The following CHCHD6 variants were observed in gnomAD, a reference collection of about 807,000 sequenced individuals.
CHCHD6 encodes MICOS complex subunit MIC25.
A neutral mutation model predicts 32.3 loss-of-function variants in CHCHD6; 28 were observed. The ratio of observed to expected loss-of-function variants is 0.87; its 90% CI spans 0.64 to 1.19. The LOEUF (loss-of-function observed/expected upper bound fraction) is 1.19. Among genes scored for constraint, CHCHD6 ranks in the 50% most tolerant of loss-of-function variants. The pLI, the probability that CHCHD6 is intolerant of heterozygous loss-of-function variation, is 0.00. For synonymous variants in CHCHD6, 122 were observed against 117.5 expected, an observed-to-expected ratio of 1.04 and a Z score of -0.25; for missense variants, 333 against 307.0, an observed-to-expected ratio of 1.08 and a Z score of -0.63.
intron 4 of CHCHD6, among the ~76,000 whole-genome samples, chr3:126,801,931 G>A (rs1041893031): frequency 2.6e-5 from 4 of 152,172 alleles, no homozygotes; most frequent in East Asian, 1.9e-4. Flanking sequence ...TGCAGGCACC[G>A]CTGCTGATAC....
At chr3:126,805,207 T>C (rs1465389791) in intron 4 of CHCHD6, among the ~76,000 whole-genome samples, 1 of 152,094 alleles carries the variant, frequency 6.6e-6, no homozygotes, top group African/African-American at 2.4e-5. Context: ...CCAGGGCAAT[T>C]AGGCAAGAGA....
intron 5 of CHCHD6, among the ~76,000 whole-genome samples, chr3:126,876,579 C>G (rs1331685327): frequency 6.6e-6 from 1 of 152,180 alleles, no homozygotes; most frequent in East Asian, 1.9e-4. Context: ...CCTCACTTCC[C>G]TCATGAACAT....
At chr3:126,709,217 G>A (rs1934641868) in intron 1 of CHCHD6, among the ~76,000 whole-genome samples, 1 of 152,150 alleles carries the variant, frequency 6.6e-6, no homozygotes, top group Non-Finnish European at 1.5e-5. Flanking sequence ...GACTGTAAAC[G>A]TAAATGATTA....
chr3:126,885,913 A>G (rs2077672747), intron 5 of CHCHD6, among the ~76,000 whole-genome samples: 1 of 152,202 alleles, frequency 6.6e-6, no homozygotes, highest in Non-Finnish European at 1.5e-5. Context: ...AATTCCCAGG[A>G]TGAGAAGTAG....
chr3:126,790,291 G>C (rs1277330760), intron 4 of CHCHD6, among the ~76,000 whole-genome samples: 1 of 152,070 alleles, frequency 6.6e-6, no homozygotes, highest in African/African-American at 2.4e-5. Context: ...GAATCTGACA[G>C]TTATGTGTCT....
chr3:126,938,824 G>A (rs2078519238), intron 6 of CHCHD6, among the ~76,000 whole-genome samples: 1 of 152,100 alleles, frequency 6.6e-6, no homozygotes, highest in African/African-American at 2.4e-5. Flanking sequence ...GGCCCAGGAG[G>A]CCACCACTGC....
intron 6 of CHCHD6, chr3:126,949,585 C>T (rs558263604): frequency 3.9e-4 from 61 of 154,994 alleles, no homozygotes; most frequent in Admixed American, 9.5e-4. Context: ...GGCTGCTGCC[C>T]GGACTGCCGC....
intron 5 of CHCHD6, among the ~76,000 whole-genome samples, chr3:126,885,592 T>A (rs1192500855): frequency 6.6e-6 from 1 of 152,246 alleles, no homozygotes; most frequent in Non-Finnish European, 1.5e-5. Flanking sequence ...GTAAGAGATA[T>A]GAGCTCTTTC....
chr3:126,938,172 G>A (rs1221947045), intron 6 of CHCHD6, among the ~76,000 whole-genome samples: 1 of 152,216 alleles, frequency 6.6e-6, no homozygotes, highest in Non-Finnish European at 1.5e-5. Flanking sequence ...AATTGGCAAG[G>A]GGCCATTAGC....
Position 126,704,415 on chromosome 3 carries a change from T to A in CHCHD6, c.87+16T>A. Reference sequence around the variant, plus strand: ...GGGTGTCCGGGTGAGCGGCGCCGCCTGGGCCGGGGCGGGCGTGGAGGCCGC... The same window carrying A: ...GGGTGTCCGGGTGAGCGGCGCCGCCAGGGCCGGGGCGGGCGTGGAGGCCGC... On this transcript the variant is annotated intron_variant, in intron 1 of 7. Coordinates refer to ENST00000290913, the MANE Select transcript of CHCHD6 (RefSeq NM_032343.3). 6.7e-7 allele frequency: 1 copy of A among 1,486,064 alleles called. No homozygotes were observed. The highest frequency in any genetic ancestry group is 2.4e-4 in the Middle Eastern group (1 of 4,160). 92.1% of individuals were successfully genotyped at this position (1,486,064 alleles called of 1,614,324 possible). A position where few individuals can be genotyped will look rare whatever the true frequency, so the allele number is the denominator to read the frequency against.
At chr3:126,889,679 T>C (rs2077728826) in intron 5 of CHCHD6, among the ~76,000 whole-genome samples, 1 of 152,248 alleles carries the variant, frequency 6.6e-6, no homozygotes, top group Admixed American at 6.5e-5. Flanking sequence ...CTGCAGGGTA[T>C]TCTTGTATAC....
At chr3:126,818,517 A>G (rs1005676699) in intron 4 of CHCHD6, among the ~76,000 whole-genome samples, 1 of 152,190 alleles carries the variant, frequency 6.6e-6, no homozygotes, top group African/African-American at 2.4e-5. Flanking sequence ...AAATCAGCGA[A>G]GGCATATGGA....
chr3:126,914,911 T>A (rs564820923), intron 6 of CHCHD6, among the ~76,000 whole-genome samples, 161 bp downstream of exon 6: 41 of 152,348 alleles, frequency 2.7e-4, no homozygotes, highest in Admixed American at 4.6e-4. Flanking sequence ...AGGTAGCCAT[T>A]GGTCATCTGT....
intron 1 of CHCHD6, among the ~76,000 whole-genome samples, chr3:126,714,754 C>A (rs1057215824): frequency 1.3e-5 from 2 of 152,170 alleles, no homozygotes; most frequent in Admixed American, 1.3e-4. Context: ...TAGGAAAACA[C>A]TGCGTTGAGT....
At chr3:126,838,391 A>G (rs1184405227) in intron 4 of CHCHD6, among the ~76,000 whole-genome samples, 5 of 151,962 alleles carry the variant, frequency 3.3e-5, no homozygotes, top group Non-Finnish European at 7.4e-5. Flanking sequence ...GCCTCTCCTG[A>G]TTTTTCTGTG....
chr3:126,759,113 T>C (rs1011114730), intron 4 of CHCHD6, among the ~76,000 whole-genome samples: 1 of 152,210 alleles, frequency 6.6e-6, no homozygotes, highest in African/African-American at 2.4e-5. Flanking sequence ...GCAGCTCTTA[T>C]CTCTCATTGC....
At chr3:126,945,924 A>C (rs1420933917) in intron 6 of CHCHD6, among the ~76,000 whole-genome samples, 2 of 151,974 alleles carry the variant, frequency 1.3e-5, no homozygotes, top group Non-Finnish European at 2.9e-5. Flanking sequence ...GGGGGTGGGG[A>C]ACAGGCAGCC....
chr3:126,849,897 T>TGTGCTGC (rs1307123022), intron 4 of CHCHD6, among the ~76,000 whole-genome samples: 3 of 152,216 alleles, frequency 2.0e-5, no homozygotes, highest in Admixed American at 6.5e-5. Flanking sequence ...AAACCACAGT[T>TGTGCTGC]GTGCTGCGTG....
chr3:126,908,622 C>T (rs1243480304), intron 5 of CHCHD6, among the ~76,000 whole-genome samples: 4 of 152,120 alleles, frequency 2.6e-5, no homozygotes, highest in Non-Finnish European at 5.9e-5. Flanking sequence ...AAGCTAAAGT[C>T]CCTATCTGTG....
Sources: gnomAD v4.1 joint callset for allele counts (sites outside exome capture counted in the v4.1 genomes callset) on GRCh38, gnomAD v4.1.1 for gene constraint, MANE v1.5 for transcripts, NCBI Gene and HGNC (gene_info 2026-07-23, HGNC 2026-07-21) for gene names.